Variants in PPP1CB observed in about 807,000 individuals in gnomAD.
PPP1CB encodes serine/threonine-protein phosphatase PP1-beta catalytic subunit.
In PPP1CB, 2 loss-of-function variants were observed where a neutral mutation model predicts 43.7. The observed-to-expected ratio is 0.05, with a 90% CI of 0.02 to 0.14. The LOEUF is 0.14. PPP1CB is among the 10% of genes least tolerant of loss of function. PPP1CB has a pLI of 1.00. For missense variants in PPP1CB, 84 were observed against 398.0 expected, an observed-to-expected ratio of 0.21 and a Z score of 6.71; for synonymous variants, 136 against 135.6, an observed-to-expected ratio of 1.00 and a Z score of -0.02.
Position 28,765,276 on chromosome 2 carries a change from A to G in PPP1CB, c.53-11575A>G, listed in dbSNP as rs138349894. On this transcript the variant is annotated intron_variant, in intron 1 of 7. Coordinates refer to ENST00000395366, the MANE Select transcript of PPP1CB (RefSeq NM_002709.3). ...TCATCAAAACTGATTGCAAGTGGTC[A>G]TCTCTTGATGCTGATCTGTAGTGAG... Among the ~76,000 whole-genome samples, 576 of 152,354 alleles carry G rather than the reference A, an allele frequency of 3.8e-3. 6 individuals are homozygous for G. The highest frequency in any genetic ancestry group is 0.013 in the African/African-American group (545 of 41,584).
At chr2:28,754,659 TTGTC>T (rs1246369204) in intron 1 of PPP1CB, among the ~76,000 whole-genome samples, 1 of 152,244 alleles carries the variant, frequency 6.6e-6, no homozygotes, top group East Asian at 1.9e-4. Flanking sequence ...GTTGAAAGAC[TTGTC>T]CAGAGCAGAC....
In PPP1CB at chr2:28,800,347, G is replaced by C. The variant is rs1264342475; in HGVS notation, c.*1044G>C. Reference sequence around the variant, plus strand: ...TCTCTTTTTCCTCCCTCTATACGAAGGATGTATTTAAATGAATGCTGGTCA... The same window carrying C: ...TCTCTTTTTCCTCCCTCTATACGAACGATGTATTTAAATGAATGCTGGTCA... On this transcript the variant is annotated 3_prime_UTR_variant, in exon 8 of 8. Coordinates refer to ENST00000395366, the MANE Select transcript of PPP1CB (RefSeq NM_002709.3). The C allele has an allele frequency of 6.8e-6, 1 of 147,418 alleles. No homozygotes were observed. The highest frequency in any genetic ancestry group is 1.5e-5 in the Non-Finnish European group (1 of 67,240). The allele number at this position is 147,418 out of a possible 1,614,324, so 9.1% of individuals were successfully genotyped here.
intron 5 of PPP1CB, among the ~76,000 whole-genome samples, chr2:28,785,065 CTTTTT>C (rs769650329): frequency 0.014 from 746 of 54,746 alleles, no homozygotes; most frequent in Non-Finnish European, 0.021. Flanking sequence ...GTGTTAGGAG[CTTTTT>C]TTTTTTTTTT....
intron 1 of PPP1CB, among the ~76,000 whole-genome samples, chr2:28,772,605 GA>G (rs1666937902): frequency 6.6e-6 from 1 of 152,092 alleles, no homozygotes; most frequent in Non-Finnish European, 1.5e-5. Context: ...CCCCAAACTG[GA>G]AATAATCCAA....
At chr2:28,790,783 A>G (rs1223997731) in intron 6 of PPP1CB, among the ~76,000 whole-genome samples, 5 of 152,238 alleles carry the variant, frequency 3.3e-5, no homozygotes, top group African/African-American at 7.2e-5. Context: ...GCAAAGAGAA[A>G]AGGAGAGGGA....
At position 28,751,906 on chromosome 2, in the gene PPP1CB, G is replaced by GTTTA; in HGVS notation, c.-207_-204dup. 8 of 616,296 alleles carry GTTTA rather than the reference G, an allele frequency of 1.3e-5. No homozygotes were observed. The highest frequency in any genetic ancestry group is 1.2e-4 in the South Asian group (7 of 56,682). 38.2% of individuals were successfully genotyped at this position (616,296 alleles called of 1,614,324 possible). On this transcript the variant is annotated 5_prime_UTR_variant, in exon 1 of 8. Transcript: ENST00000395366. ...GGCCCTGTTCGAGGGGGCCTCTCTT[G>GTTTA]TTTATTTATTTATTTTCCGTGGGTG... is the stretch of plus-strand genomic sequence containing the variant.
intron 1 of PPP1CB, among the ~76,000 whole-genome samples, chr2:28,773,533 G>A (rs935873557): frequency 1.1e-4 from 16 of 152,344 alleles, no homozygotes; most frequent in African/African-American, 3.4e-4. Context: ...AAGGTGCTTT[G>A]CACCTAATGA....
rs1045746472 is a variant in PPP1CB, at chr2:28,801,161, A to G, written c.*1858A>G. 3.9e-5 allele frequency: 6 copies of G among 152,150 alleles called. No homozygotes were observed. The highest frequency in any genetic ancestry group is 1.4e-4 in the African/African-American group (6 of 41,434). 9.4% of individuals were successfully genotyped at this position (152,150 alleles called of 1,614,324 possible). The stretch of plus-strand genomic sequence containing the variant: ...TTTTCTGAAAGTATTCATGATCTGC[A>G]TATGATGTATTAGGTTAGGTCACAA... On this transcript the variant is annotated 3_prime_UTR_variant, in exon 8 of 8. Transcript: ENST00000395366.
intron 7 of PPP1CB, among the ~76,000 whole-genome samples, chr2:28,798,374 C>T (rs1057189739): frequency 1.3e-5 from 2 of 152,048 alleles, no homozygotes; most frequent in Non-Finnish European, 2.9e-5. Flanking sequence ...TATATGAAAA[C>T]ATGTTCACAC....
At chr2:28,778,417 A>T (rs1257628489) in intron 2 of PPP1CB, 2 of 473,086 alleles carry the variant, frequency 4.2e-6, no homozygotes, top group South Asian at 1.5e-5. Flanking sequence ...TTAAGGCGTG[A>T]TCTCGGGCTG....
At chr2:28,784,787 G>A (rs1667224696) in intron 5 of PPP1CB, among the ~76,000 whole-genome samples, 1 of 151,394 alleles carries the variant, frequency 6.6e-6, no homozygotes, top group Admixed American at 6.6e-5. Context: ...GGGCATGGTG[G>A]TGCGTTCCTG....
intron 1 of PPP1CB, among the ~76,000 whole-genome samples, chr2:28,771,544 G>C (rs746688739): frequency 6.6e-6 from 1 of 152,084 alleles, no homozygotes; most frequent in Non-Finnish European, 1.5e-5. Context: ...GACAAATGGG[G>C]TAATGAGCTA....
intron 1 of PPP1CB, among the ~76,000 whole-genome samples, chr2:28,758,904 T>A (rs1666552388): frequency 6.6e-6 from 1 of 152,234 alleles, no homozygotes; most frequent in Non-Finnish European, 1.5e-5. Flanking sequence ...TGGGAGGTTT[T>A]AACATAGCAT....
At chr2:28,767,618 A>G (rs1270216595) in intron 1 of PPP1CB, among the ~76,000 whole-genome samples, 1 of 152,226 alleles carries the variant, frequency 6.6e-6, no homozygotes, top group Non-Finnish European at 1.5e-5. Flanking sequence ...AAGTGATGAG[A>G]GTACCATATG....
upstream of PPP1CB, chr2:28,751,629 A>T: frequency 5.9e-6 from 1 of 169,746 alleles, no homozygotes; most frequent in Non-Finnish European, 1.3e-5. Context: ...GGACGTGGAG[A>T]GAGGGCGACG....
At chr2:28,755,846 A>G (rs191679634) in intron 1 of PPP1CB, among the ~76,000 whole-genome samples, 255 of 152,318 alleles carry the variant, frequency 1.7e-3, no homozygotes, top group Admixed American at 5.8e-3. Context: ...AAAAACTGGG[A>G]TGTGCCAGTT....
intron 6 of PPP1CB, among the ~76,000 whole-genome samples, chr2:28,789,473 CTCTCCAGCCCT>C (rs1667341841): frequency 1.3e-5 from 2 of 151,818 alleles, no homozygotes; most frequent in African/African-American, 2.4e-5. Flanking sequence ...TATGTCACTG[CTCTCCAGCCCT>C]TGTGAAAGAG....
At chr2:28,793,333 C>A (rs1461434451) in intron 6 of PPP1CB, among the ~76,000 whole-genome samples, 2 of 152,130 alleles carry the variant, frequency 1.3e-5, no homozygotes, top group Non-Finnish European at 2.9e-5. Context: ...AGTGTGTAGC[C>A]ATGTAATAAT....
intron 7 of PPP1CB, among the ~76,000 whole-genome samples, chr2:28,795,746 C>T (rs1667485441): frequency 6.6e-6 from 1 of 152,056 alleles, no homozygotes; most frequent in Non-Finnish European, 1.5e-5. Context: ...TATAGGTTGT[C>T]TGTTTATTCT....
Sources: allele counts gnomAD v4.1 joint callset (sites outside exome capture counted in the v4.1 genomes callset), GRCh38; gene constraint gnomAD v4.1.1; transcripts MANE v1.5; gene names NCBI Gene and HGNC (gene_info 2026-07-23, HGNC 2026-07-21).